Variants in ASPH observed in about 807,000 individuals in gnomAD.
The protein encoded by ASPH is aspartate beta-hydroxylase.
A neutral mutation model predicts 118.4 loss-of-function variants in ASPH; 100 were observed. The observed-to-expected ratio is 0.84, with a 90% CI of 0.72 to 1.00. The LOEUF (loss-of-function observed/expected upper bound fraction) is 1.00. Among genes scored for constraint, ASPH ranks in the 50% least tolerant of loss-of-function variants. ASPH has a pLI of 0.00. For synonymous variants in ASPH, 315 were observed against 325.6 expected, an observed-to-expected ratio of 0.97 and a Z score of 0.35; for missense variants, 920 against 919.5, an observed-to-expected ratio of 1.00 and a Z score of -0.01.
intron 16 of ASPH, among the ~76,000 whole-genome samples, chr8:61,568,440 C>CCGT (rs1321406138): frequency 1.3e-5 from 2 of 152,054 alleles, no homozygotes; most frequent in Non-Finnish European, 2.9e-5. Context: ...ACTGGATGAA[C>CCGT]CGTCATTCCT....
chr8:61,525,883 C>T, intron 22 of ASPH, 94 bp downstream of exon 22: 1 of 1,516,762 alleles, frequency 6.6e-7, no homozygotes, highest in South Asian at 1.3e-5. Context: ...CCTGGGAATC[C>T]CAGCTCTGGG....
At chr8:61,586,655 A>G (rs112240743) in intron 14 of ASPH, among the ~76,000 whole-genome samples, 19 of 152,174 alleles carry the variant, frequency 1.2e-4, no homozygotes, top group African/African-American at 4.1e-4. Flanking sequence ...GGAGAAGACC[A>G]CTGAGGTTCC....
At chr8:61,529,100 T>C (rs1286907548) in intron 21 of ASPH, among the ~76,000 whole-genome samples, 2 of 152,150 alleles carry the variant, frequency 1.3e-5, no homozygotes, top group Non-Finnish European at 2.9e-5. Flanking sequence ...AATGACTCCT[T>C]GTGTGGTTAA....
At chr8:61,626,795 T>TTTTAAA (rs1479592101) in intron 13 of ASPH, among the ~76,000 whole-genome samples, 6 of 151,950 alleles carry the variant, frequency 3.9e-5, no homozygotes. Flanking sequence ...AATAAAAGTA[T>TTTTAAA]ATAAGTATTT....
At chr8:61,567,034 C>CGT in intron 17 of ASPH, 134 bp downstream of exon 17, 1 of 1,095,014 alleles carries the variant, frequency 9.1e-7, no homozygotes, top group South Asian at 1.6e-5. Context: ...CTAGGACAGA[C>CGT]ACATTACTTG....
At chr8:61,709,574 G>C (rs971911760) in intron 1 of ASPH, among the ~76,000 whole-genome samples, 3 of 152,172 alleles carry the variant, frequency 2.0e-5, no homozygotes, top group Non-Finnish European at 2.9e-5. Context: ...GCTTTTCCCC[G>C]GAGGTTTAGG....
intron 16 of ASPH, among the ~76,000 whole-genome samples, chr8:61,572,645 T>A (rs940975236): frequency 1.3e-5 from 2 of 152,138 alleles, no homozygotes; most frequent in Non-Finnish European, 2.9e-5. Context: ...ACTGCCCACT[T>A]CCCTCATCTC....
intron 23 of ASPH, 145 bp from the exon 24 acceptor site, chr8:61,517,806 T>C: frequency 7.9e-7 from 1 of 1,262,366 alleles, no homozygotes; most frequent in Non-Finnish European, 1.1e-6. Flanking sequence ...TATTTCTTTG[T>C]GAAGGAACTA....
At chr8:61,579,362 G>T in intron 15 of ASPH, 1 of 1,614,144 alleles carries the variant, frequency 6.2e-7, no homozygotes, top group Non-Finnish European at 8.5e-7. Context: ...TGAACGTCAA[G>T]CTGGCCCTGG....
chr8:61,629,912 C>T (rs903460904), intron 13 of ASPH, among the ~76,000 whole-genome samples: 1 of 152,284 alleles, frequency 6.6e-6, no homozygotes, highest in South Asian at 2.1e-4. Flanking sequence ...GCTCTGTGAC[C>T]TGGGGAAGGT....
intron 1 of ASPH, chr8:61,689,807 A>C: frequency 6.8e-7 from 1 of 1,480,132 alleles, no homozygotes; most frequent in Non-Finnish European, 9.0e-7. Flanking sequence ...CCAGAGCTTG[A>C]GACTGGCCAA....
intron 21 of ASPH, among the ~76,000 whole-genome samples, chr8:61,546,908 T>C (rs1288501646): frequency 6.6e-6 from 1 of 152,346 alleles, no homozygotes; most frequent in South Asian, 2.1e-4. Context: ...TCTAACATTA[T>C]CAATATTTTG....
intron 13 of ASPH, among the ~76,000 whole-genome samples, chr8:61,622,229 T>C (rs1851214629): frequency 6.6e-6 from 1 of 152,066 alleles, no homozygotes; most frequent in South Asian, 2.1e-4. Context: ...TCCCAGCTAC[T>C]CGGTAGGCTG....
intron 14 of ASPH, among the ~76,000 whole-genome samples, chr8:61,617,947 A>AAAAAAG (rs1554683198): frequency 1.3e-5 from 2 of 150,668 alleles, no homozygotes; most frequent in African/African-American, 4.9e-5. Context: ...AAAAAAAAAA[A>AAAAAAG]AAAGAAAGAA....
At chr8:61,507,589 A>G (rs1807110158) in intron 24 of ASPH, among the ~76,000 whole-genome samples, 2 of 152,200 alleles carry the variant, frequency 1.3e-5, no homozygotes, top group Admixed American at 1.3e-4. Context: ...ACAATAAAAC[A>G]TCCTACAAGC....
intron 12 of ASPH, 40 bp from the exon 13 acceptor site, chr8:61,633,767 T>C (rs758310902): frequency 2.1e-6 from 3 of 1,425,708 alleles, no homozygotes; most frequent in South Asian, 1.4e-5. Context: ...TACATATTGC[T>C]GATCAGTGTT....
intron 21 of ASPH, among the ~76,000 whole-genome samples, chr8:61,526,478 C>T (rs7005455): frequency 0.27 from 41,011 of 152,058 alleles, 7,643 homozygotes; most frequent in African/African-American, 0.5. Context: ...ATGTGACACT[C>T]CAGCCTCTAA....
In ASPH at chr8:61,710,815, C is replaced by G. The variant is rs916220345; in HGVS notation, c.103+3454G>C. ...AATGCAATCAGCAGTGTATTGAATC[C>G]CTCAGTTACTTAGTAATCTAAGAGA... On this transcript the variant is annotated intron_variant, in intron 1 of 24. Transcript: ENST00000379454. 2.0e-5 allele frequency among the ~76,000 whole-genome samples: 3 copies of G among 152,074 alleles called. No homozygotes were observed. In the South Asian group the frequency reaches 6.2e-4, roughly 32 times the overall value.
chr8:61,651,678 C>T (rs1588678472), intron 4 of ASPH, among the ~76,000 whole-genome samples: 1 of 152,236 alleles, frequency 6.6e-6, no homozygotes, highest in African/African-American at 2.4e-5. Context: ...GAAAACCTTA[C>T]ATTGTAACTG....
Sources: gnomAD v4.1 joint callset for allele counts (sites outside exome capture counted in the v4.1 genomes callset) on GRCh38, gnomAD v4.1.1 for gene constraint, MANE v1.5 for transcripts, NCBI Gene and HGNC (gene_info 2026-07-23, HGNC 2026-07-21) for gene names.